RBM25: variants seen among roughly 807,000 people sequenced by gnomAD.
RBM25 encodes the protein RNA binding motif protein 25, also known as RNA-binding protein 25.
In RBM25, 19 loss-of-function variants were observed where a neutral mutation model predicts 120.7. That is an observed-to-expected ratio of 0.16 (90% CI 0.11 to 0.23). The LOEUF is 0.23. Among genes scored for constraint, RBM25 ranks in the 10% least tolerant of loss-of-function variants. RBM25 has a pLI of 1.00. For missense variants in RBM25, 605 were observed against 1,041.5 expected (o/e 0.58, Z 5.77); for synonymous variants, 390 against 326.7 (o/e 1.19, Z -2.09).
chr14:73,063,843 C>T (rs1206928642), intron 1 of RBM25, among the ~76,000 whole-genome samples: 5 of 151,378 alleles, frequency 3.3e-5, no homozygotes, highest in Non-Finnish European at 5.9e-5. Context: ...AGAGTTAAAA[C>T]TAAAATGTTT....
At chr14:73,119,522 C>T (rs1896502868) in intron 18 of RBM25, among the ~76,000 whole-genome samples, 191 bp from the exon 19 acceptor site, 2 of 152,334 alleles carry the variant, frequency 1.3e-5, no homozygotes, top group East Asian at 3.9e-4. Flanking sequence ...GCTTCGGCCT[C>T]CCAAAATGCT....
chr14:73,066,756 T>C (rs1173033939), intron 1 of RBM25, among the ~76,000 whole-genome samples: 1 of 152,136 alleles, frequency 6.6e-6, no homozygotes, highest in Non-Finnish European at 1.5e-5. Flanking sequence ...TTATTGAATA[T>C]GGTATTATCC....
At position 73,119,942 on chromosome 14, in the gene RBM25, C is replaced by A. The variant is rs1896510963; in HGVS notation, c.*137C>A. Reference sequence around the variant, plus strand: ...TGTAGAAAATGTGAATTTTTTGGTCCTCTAATTTGTTGTTGCCCTGTGTAC... The same window carrying A: ...TGTAGAAAATGTGAATTTTTTGGTCATCTAATTTGTTGTTGCCCTGTGTAC... On this transcript the variant is annotated 3_prime_UTR_variant, in exon 19 of 19. Transcript: ENST00000261973. 4.5e-6 allele frequency: 6 copies of A among 1,327,856 alleles called. No homozygotes were observed. The East Asian group carries it at 1.6e-4, about 36-fold the overall frequency. The allele number at this position is 1,327,856 out of a possible 1,614,324, so 82.3% of individuals were successfully genotyped here.
chr14:73,073,928 T>C (rs1439560287), intron 2 of RBM25, among the ~76,000 whole-genome samples: 1 of 152,190 alleles, frequency 6.6e-6, no homozygotes, highest in Non-Finnish European at 1.5e-5. Flanking sequence ...CTTAGTTGTT[T>C]TATAATGGAC....
chr14:73,064,247 T>C (rs1386078123), intron 1 of RBM25, among the ~76,000 whole-genome samples: 1 of 151,590 alleles, frequency 6.6e-6, no homozygotes, highest in Non-Finnish European at 1.5e-5. Context: ...CTTATGATTA[T>C]GAAAGTTAAT....
chr14:73,065,415 A>T (rs1046510675), intron 1 of RBM25, among the ~76,000 whole-genome samples: 8 of 148,484 alleles, frequency 5.4e-5, no homozygotes, highest in Non-Finnish European at 1.5e-5. Flanking sequence ...GGGGTGAGCC[A>T]CTGTGCCCAG....
Position 73,117,210 on chromosome 14 carries a change from C to CTTTTTTTTTTTTTTTTT in RBM25, c.2440-2485_2440-2469dup, listed in dbSNP as rs71112704. On this transcript the variant is annotated intron_variant, in intron 18 of 18. Coordinates refer to ENST00000261973, the MANE Select transcript of RBM25 (RefSeq NM_021239.3). ...TTTCTTTTAATTTCTTTCTTCTTTT[C>CTTTTTTTTTTTTTTTTT]TTTTTTTTTTTTTTTTTTTTTTTTT... Among the ~76,000 whole-genome samples the CTTTTTTTTTTTTTTTTT allele has an allele frequency of 7.3e-4, 36 of 49,426 alleles. 5 individuals carry two copies. The highest frequency in any genetic ancestry group is 1.7e-3 in the Admixed American group (5 of 2,892). The allele number at this position is 49,426 out of a possible 152,430, so 32.4% of individuals were successfully genotyped here. A position where few individuals can be genotyped will look rare whatever the true frequency, so the allele number is the denominator to read the frequency against.
In RBM25 at chr14:73,088,173, G is replaced by A. The variant is rs1367323333; in HGVS notation, c.543+12G>A. ...AAGCTTCTAATGGGGTATGTTTTCT[G>A]TCGTGTTATCTTTTCTAGGCCAGAC... On this transcript the variant is annotated intron_variant, in intron 6 of 18. Coordinates refer to ENST00000261973, the MANE Select transcript of RBM25 (RefSeq NM_021239.3). The A allele has an allele frequency of 7.4e-6, 12 of 1,613,732 alleles. No individual in the cohort carries two copies. Among genetic ancestry groups the A allele is most frequent in the Non-Finnish European group, 1.0e-5 (12 of 1,179,866 alleles).
chr14:73,105,511 T>C (rs1479050108), intron 10 of RBM25, among the ~76,000 whole-genome samples: 1 of 152,248 alleles, frequency 6.6e-6, no homozygotes, highest in African/African-American at 2.4e-5. Flanking sequence ...AATTAAGTTT[T>C]CCTTTTTTCT....
chr14:73,077,593 C>G, intron 4 of RBM25, 57 bp downstream of exon 4: 1 of 1,428,508 alleles, frequency 7.0e-7, no homozygotes, highest in East Asian at 2.5e-5. Flanking sequence ...ACATTTCAAA[C>G]TTAAGCAGAA....
At chr14:73,070,304 G>T (rs973907813) in intron 1 of RBM25, among the ~76,000 whole-genome samples, 2 of 151,904 alleles carry the variant, frequency 1.3e-5, no homozygotes, top group African/African-American at 4.8e-5. Flanking sequence ...TTTTCCACCC[G>T]CTTTGACCTC....
chr14:73,082,915 A>C (rs891788782), intron 4 of RBM25, among the ~76,000 whole-genome samples: 3 of 151,422 alleles, frequency 2.0e-5, no homozygotes, highest in Non-Finnish European at 4.4e-5. Flanking sequence ...AATAAAAAAA[A>C]AAAAACAAAA....
intron 10 of RBM25, among the ~76,000 whole-genome samples, 153 bp from the exon 11 acceptor site, chr14:73,105,706 G>A (rs1896171465): frequency 6.6e-6 from 1 of 152,184 alleles, no homozygotes; most frequent in Non-Finnish European, 1.5e-5. Flanking sequence ...TCTGATGAGT[G>A]TAGAGGAGGT....
chr14:73,087,712 C>A (rs757245374), intron 5 of RBM25, among the ~76,000 whole-genome samples: 1 of 152,162 alleles, frequency 6.6e-6, no homozygotes, highest in Non-Finnish European at 1.5e-5. Context: ...TCCTTTTAAT[C>A]ATGAATTTCA....
intron 1 of RBM25, among the ~76,000 whole-genome samples, chr14:73,060,024 AT>A (rs902532965): frequency 7.0e-4 from 103 of 147,576 alleles, no homozygotes; most frequent in African/African-American, 2.1e-3. Flanking sequence ...TGACTCTGTA[AT>A]TTTTTTTTTT....
At chr14:73,062,981 T>C (rs1895040477) in intron 1 of RBM25, among the ~76,000 whole-genome samples, 1 of 150,122 alleles carries the variant, frequency 6.7e-6, no homozygotes. Context: ...CTACCACACC[T>C]GGCTAATTTT....
intron 18 of RBM25, among the ~76,000 whole-genome samples, chr14:73,115,136 T>C (rs1896397689): frequency 6.7e-6 from 1 of 149,342 alleles, no homozygotes; most frequent in African/African-American, 2.5e-5. Flanking sequence ...TCACAAGGAT[T>C]ACTACAGGAA....
intron 9 of RBM25, 72 bp downstream of exon 9, chr14:73,099,822 A>C (rs1170955689): frequency 6.6e-7 from 1 of 1,505,292 alleles, no homozygotes; most frequent in Non-Finnish European, 8.8e-7. Context: ...AGACAAAAAA[A>C]ATCAACCTTA....
At chr14:73,073,838 T>C (rs1454943909) in intron 2 of RBM25, among the ~76,000 whole-genome samples, 2 of 152,250 alleles carry the variant, frequency 1.3e-5, no homozygotes, top group Non-Finnish European at 2.9e-5. Context: ...TTTGTTATCA[T>C]CTGCTGCCAG....
Sources: gnomAD v4.1 joint callset for allele counts (sites outside exome capture counted in the v4.1 genomes callset) on GRCh38, gnomAD v4.1.1 for gene constraint, MANE v1.5 for transcripts, NCBI Gene and HGNC (gene_info 2026-07-23, HGNC 2026-07-21) for gene names.